The following DCC variants were observed in gnomAD, a reference collection of about 807,000 sequenced individuals.
DCC encodes the protein DCC netrin 1 receptor, also known as netrin receptor DCC.
In DCC, 58 loss-of-function variants were observed where a neutral mutation model predicts 172.5. That is an observed-to-expected ratio of 0.34 (90% CI 0.27 to 0.42). DCC has a LOEUF of 0.42. Ranked by LOEUF, DCC falls within the 10% of genes least tolerant of loss-of-function variation. The pLI, the probability that DCC is intolerant of heterozygous loss-of-function variation, is 1.00. For missense variants in DCC, 1,740 were observed against 1,791.0 expected (o/e 0.97, Z 0.51); for synonymous variants, 709 against 644.5 (o/e 1.10, Z -1.52).
intron 13 of DCC, among the ~76,000 whole-genome samples, chr18:53,315,986 T>C (rs564445409): frequency 3.3e-5 from 5 of 152,340 alleles, no homozygotes; most frequent in African/African-American, 1.2e-4. Flanking sequence ...CTCCCATTTG[T>C]CAATTTTGGC....
chr18:53,515,300 C>T (rs1394785757), intron 27 of DCC, among the ~76,000 whole-genome samples: 1 of 151,196 alleles, frequency 6.6e-6, no homozygotes, highest in African/African-American at 2.4e-5. Context: ...GACGTATTTC[C>T]AAATAATAAG....
chr18:52,648,677 G>A (rs1320295272), intron 1 of DCC, among the ~76,000 whole-genome samples: 1 of 152,076 alleles, frequency 6.6e-6, no homozygotes, highest in African/African-American at 2.4e-5. Flanking sequence ...CCAATCCGAG[G>A]TCTATTATTA....
intron 21 of DCC, among the ~76,000 whole-genome samples, chr18:53,424,795 G>T (rs919503747): frequency 1.3e-5 from 2 of 152,144 alleles, no homozygotes; most frequent in Admixed American, 1.3e-4. Context: ...GCCTACCTTT[G>T]CAGAGTAGTA....
chr18:52,506,558 A>G (rs1182516112), intron 1 of DCC, among the ~76,000 whole-genome samples: 2 of 152,128 alleles, frequency 1.3e-5, no homozygotes, highest in Non-Finnish European at 2.9e-5. Context: ...ATTGTCTGAT[A>G]AAAGAAAATT....
At chr18:52,887,430 TGCAAAAGGTAGTTCCA>T (rs2039586441) in intron 2 of DCC, among the ~76,000 whole-genome samples, 1 of 152,148 alleles carries the variant, frequency 6.6e-6, no homozygotes, top group Admixed American at 6.6e-5. Context: ...TCATCTTAGC[TGCAAAAGGTAGTTCCA>T]GCAAAAGGTG....
At chr18:52,642,798 C>T (rs536363038) in intron 1 of DCC, among the ~76,000 whole-genome samples, 17 of 152,162 alleles carry the variant, frequency 1.1e-4, no homozygotes, top group South Asian at 4.1e-4. Flanking sequence ...CACCTAGTTG[C>T]GACTATGGGT....
intron 7 of DCC, among the ~76,000 whole-genome samples, chr18:53,129,724 C>G (rs950573545): frequency 2.6e-5 from 4 of 152,086 alleles, no homozygotes; most frequent in Admixed American, 6.6e-5. Flanking sequence ...TATTTATCTA[C>G]TATCTACTAT....
chr18:52,646,286 T>A (rs1350476742), intron 1 of DCC, among the ~76,000 whole-genome samples: 1 of 152,240 alleles, frequency 6.6e-6, no homozygotes, highest in Non-Finnish European at 1.5e-5. Flanking sequence ...ATTTTACATG[T>A]ATGCATTTTG....
At chr18:53,382,035 C>G (rs996320250) in intron 15 of DCC, among the ~76,000 whole-genome samples, 1 of 148,342 alleles carries the variant, frequency 6.7e-6, no homozygotes, top group Non-Finnish European at 1.5e-5. Flanking sequence ...CAAATCTAGC[C>G]GTTTTTCTTT....
At chr18:53,489,528 ATATATCT>A (rs1209290680) in intron 26 of DCC, among the ~76,000 whole-genome samples, 14 of 152,164 alleles carry the variant, frequency 9.2e-5, no homozygotes, top group African/African-American at 3.4e-4. Context: ...ATCTGGGTGG[ATATATCT>A]TATTAGTCGC....
intron 22 of DCC, among the ~76,000 whole-genome samples, chr18:53,443,429 T>TAGGG (rs1183287540): frequency 1.3e-5 from 2 of 152,138 alleles, no homozygotes; most frequent in Non-Finnish European, 2.9e-5. Flanking sequence ...ACCTATTGCT[T>TAGGG]AGACAAAAAG....
chr18:52,546,536 G>C (rs912712699), intron 1 of DCC, among the ~76,000 whole-genome samples: 4 of 152,038 alleles, frequency 2.6e-5, no homozygotes, highest in African/African-American at 9.7e-5. Flanking sequence ...AGCCTAGCAT[G>C]GTAACAGGAT....
rs79249887 is a variant in DCC at position 53,283,886 on chromosome 18, A to T, written c.1912-21692A>T. On this transcript the variant is annotated intron_variant, in intron 12 of 28. Coordinates refer to ENST00000442544, the MANE Select transcript of DCC (RefSeq NM_005215.4). ...TTCATAAAAGACAGCAGCAAAGTTCATGAGTTTAAGTTCTAGGGAGCTAAA... is the reference window on the plus strand; with the variant it reads ...TTCATAAAAGACAGCAGCAAAGTTCTTGAGTTTAAGTTCTAGGGAGCTAAA... Among the ~76,000 whole-genome samples the T allele has an allele frequency of 2.4e-4, 33 of 138,364 alleles. 1 individual carries two copies. In the East Asian group the frequency reaches 6.9e-3, roughly 29 times the overall value. 90.8% of individuals were successfully genotyped at this position (138,364 alleles called of 152,430 possible).
intron 5 of DCC, among the ~76,000 whole-genome samples, chr18:52,957,612 G>A (rs891816048): frequency 6.6e-6 from 1 of 152,022 alleles, no homozygotes; most frequent in Non-Finnish European, 1.5e-5. Flanking sequence ...GTGATTTTAA[G>A]AGAAGACTAT....
At chr18:53,273,640 TG>T (rs2056773063) in intron 12 of DCC, among the ~76,000 whole-genome samples, 1 of 152,140 alleles carries the variant, frequency 6.6e-6, no homozygotes. Context: ...GTTATTACAA[TG>T]GGTTTCCATG....
At chr18:53,057,118 A>G (rs1399745428) in intron 5 of DCC, among the ~76,000 whole-genome samples, 4 of 149,172 alleles carry the variant, frequency 2.7e-5, no homozygotes, top group Non-Finnish European at 4.4e-5. Context: ...GTCTTCACCT[A>G]TATGGGGTGT....
At chr18:53,088,201 C>T (rs547001472) in intron 7 of DCC, among the ~76,000 whole-genome samples, 52 of 152,252 alleles carry the variant, frequency 3.4e-4, no homozygotes, top group African/African-American at 1.2e-3. Context: ...GGCAGTATGG[C>T]CATTTTCACG....
chr18:53,144,142 T>C (rs989517029), intron 7 of DCC, among the ~76,000 whole-genome samples: 8 of 152,238 alleles, frequency 5.3e-5, no homozygotes, highest in African/African-American at 1.9e-4. Flanking sequence ...ATATTAGGGA[T>C]GTTAATGCTT....
rs1475820534 is a variant in DCC at position 53,391,740 on chromosome 18, A to C, written c.2541A>C (p.Pro847=). ...ATCTCTCCACCCCCATGCTCCCACC[A>C]GTAGGTGTACAGGCTGTGGCTCTTA... The part of the protein sequence containing the change: ...VPDLSTPMLP[P]VGVQAVALTH... The change falls in exon 17 of 29, where the codon CCA becomes CCC. Residue 847 remains proline (P), a synonymous_variant. Coordinates refer to ENST00000442544, the MANE Select transcript of DCC (RefSeq NM_005215.4). The C allele has an allele frequency of 6.2e-7, 1 of 1,613,928 alleles. No homozygotes were observed. Among genetic ancestry groups the C allele is most frequent in the Non-Finnish European group, 8.5e-7 (1 of 1,179,968 alleles).
Sources: gnomAD v4.1 joint callset for allele counts (sites outside exome capture counted in the v4.1 genomes callset) on GRCh38, gnomAD v4.1.1 for gene constraint, MANE v1.5 for transcripts, NCBI Gene and HGNC (gene_info 2026-07-23, HGNC 2026-07-21) for gene names.